Variants in CLDN14 observed in about 807,000 individuals in gnomAD.
CLDN14 encodes the protein claudin 14.
A neutral mutation model predicts 2.1 loss-of-function variants in CLDN14; 2 were observed. That is an observed-to-expected ratio of 0.96 (90% CI 0.39 to 3.01). The LOEUF is 3.01. Among genes scored for constraint, CLDN14 ranks in the 30% most tolerant of loss-of-function variants. The pLI, the probability that CLDN14 is intolerant of heterozygous loss-of-function variation, is 0.09. For missense variants in CLDN14, 298 were observed against 328.0 expected, an observed-to-expected ratio of 0.91 and a Z score of 0.71; for synonymous variants, 136 against 154.4, an observed-to-expected ratio of 0.88 and a Z score of 0.88.
chr21:36,486,269 T>G (rs761680195), intron 2 of CLDN14: 7 of 767,606 alleles, frequency 9.1e-6, no homozygotes, highest in African/African-American at 5.9e-5. Flanking sequence ...CCCTCTTCCT[T>G]AGGTCAGGAA....
chr21:36,475,398 C>T (rs1229143712), intron 1 of CLDN14, among the ~76,000 whole-genome samples: 4 of 152,162 alleles, frequency 2.6e-5, no homozygotes, highest in Admixed American at 6.5e-5. Context: ...CTGCTGTAGC[C>T]GCAGCCCTTG....
chr21:36,520,176 C>T (rs895702443), intron 1 of CLDN14, among the ~76,000 whole-genome samples: 2 of 71,932 alleles, frequency 2.8e-5, no homozygotes, highest in African/African-American at 5.4e-5. Flanking sequence ...CCTCTGCCTT[C>T]ACATGGCCGT....
intron 1 of CLDN14, among the ~76,000 whole-genome samples, chr21:36,557,241 G>A (rs1601636084): frequency 6.6e-6 from 1 of 152,172 alleles, no homozygotes. Flanking sequence ...GAATAATGCT[G>A]TAATGAACAT....
upstream of CLDN14, among the ~76,000 whole-genome samples, chr21:36,481,315 T>TC (rs138188005): frequency 6.8e-4 from 103 of 152,306 alleles, no homozygotes; most frequent in East Asian, 0.018. Context: ...GGAGATAGAA[T>TC]CATCGCCTTT....
At chr21:36,474,911 G>A (rs1160241230) in intron 1 of CLDN14, among the ~76,000 whole-genome samples, 2 of 152,150 alleles carry the variant, frequency 1.3e-5, no homozygotes, top group East Asian at 1.9e-4. Flanking sequence ...GGGCAATAAC[G>A]CATGTTCTGA....
chr21:36,571,756 C>T (rs1399141062), intron 1 of CLDN14, among the ~76,000 whole-genome samples: 1 of 152,136 alleles, frequency 6.6e-6, no homozygotes, highest in Non-Finnish European at 1.5e-5. Flanking sequence ...CTGCCAAATT[C>T]CATTCTCTCG....
At position 36,544,945 on chromosome 21, in the gene CLDN14, A is replaced by AG. The variant is rs1460589003; in HGVS notation, c.-220+31465dup. ...GTGCCAATTGAAGTTTGCTTGCAGG[A>AG]GGGATTGTAAGTATCAGGCCAGTGC... On this transcript the variant is annotated intron_variant, in intron 1 of 2. Transcript: ENST00000342108. The surrounding 1 kb of genome is among the most constrained non-coding windows in gnomAD (Gnocchi z 4.1). Among the ~76,000 whole-genome samples the AG allele has an allele frequency of 6.6e-6, 1 of 152,206 alleles. No homozygotes were observed.
intron 1 of CLDN14, among the ~76,000 whole-genome samples, chr21:36,552,124 T>G (rs1002045812): frequency 6.6e-6 from 1 of 152,206 alleles, no homozygotes; most frequent in Non-Finnish European, 1.5e-5. Flanking sequence ...TTGTAAGCAG[T>G]TTGCTGGCAT....
intron 1 of CLDN14, among the ~76,000 whole-genome samples, chr21:36,462,791 T>C (rs1342223350): frequency 6.6e-6 from 1 of 151,658 alleles, no homozygotes; most frequent in Non-Finnish European, 1.5e-5. Context: ...TAGCCAGGCA[T>C]CCCGTAATCC....
intron 2 of CLDN14, among the ~76,000 whole-genome samples, chr21:36,488,268 T>TCCTTCCTTCCTTCCTC: frequency 6.7e-6 from 1 of 150,238 alleles, no homozygotes; most frequent in Non-Finnish European, 1.5e-5. Flanking sequence ...CTTCCTTCCT[T>TCCTTCCTTCCTTCCTC]CCTTCCCTCT....
chr21:36,513,000 G>A (rs1442677416), intron 1 of CLDN14, among the ~76,000 whole-genome samples: 1 of 152,218 alleles, frequency 6.6e-6, no homozygotes, highest in Non-Finnish European at 1.5e-5. Context: ...TGGTGGCGTA[G>A]TCTGCCCATC....
At chr21:36,492,006 G>T (rs1474260836) in intron 2 of CLDN14, among the ~76,000 whole-genome samples, 1 of 152,154 alleles carries the variant, frequency 6.6e-6, no homozygotes, top group Non-Finnish European at 1.5e-5. Flanking sequence ...TTATGGGTGT[G>T]ATTAAGTTAG....
intron 1 of CLDN14, among the ~76,000 whole-genome samples, chr21:36,514,380 C>A (rs1171215116): frequency 6.6e-6 from 1 of 152,094 alleles, no homozygotes; most frequent in African/African-American, 2.4e-5. Context: ...CAAGCAGAGC[C>A]CCATGGCCGT....
chr21:36,560,552 G>C (rs2087627321), intron 1 of CLDN14, among the ~76,000 whole-genome samples: 1 of 152,164 alleles, frequency 6.6e-6, no homozygotes, highest in Non-Finnish European at 1.5e-5. Context: ...TACATGAATA[G>C]ATTTTTGCAT....
At chr21:36,489,131 A>AAAAAAAAAATATATATAT in intron 2 of CLDN14, among the ~76,000 whole-genome samples, 107 of 62,690 alleles carry the variant, frequency 1.7e-3, no homozygotes, top group Non-Finnish European at 2.4e-3. Context: ...AAAAAAAAAA[A>AAAAAAAAAATATATATAT]ATATATATAT....
At chr21:36,503,865 T>C (rs2087109119) in intron 2 of CLDN14, among the ~76,000 whole-genome samples, 1 of 151,952 alleles carries the variant, frequency 6.6e-6, no homozygotes, top group African/African-American at 2.4e-5. Context: ...CAGGTATAAG[T>C]AGATGCTCAA....
intron 1 of CLDN14, among the ~76,000 whole-genome samples, chr21:36,573,710 T>G (rs994163779): frequency 2.6e-5 from 4 of 152,194 alleles, no homozygotes; most frequent in African/African-American, 9.6e-5. Context: ...TTATGTGGAT[T>G]TAACAAGGCT....
At chr21:36,527,594 G>C (rs1477519360) in intron 1 of CLDN14, among the ~76,000 whole-genome samples, 1 of 152,182 alleles carries the variant, frequency 6.6e-6, no homozygotes, top group African/African-American at 2.4e-5. Context: ...GGAAAATAAT[G>C]TGATACGAAT....
At chr21:36,548,751 G>A (rs1279282865) in intron 1 of CLDN14, among the ~76,000 whole-genome samples, 3 of 152,126 alleles carry the variant, frequency 2.0e-5, no homozygotes, top group South Asian at 2.1e-4. Context: ...CAGTTGATGT[G>A]GGGAGGCCAA....
Sources: gnomAD v4.1 joint callset for allele counts (sites outside exome capture counted in the v4.1 genomes callset) on GRCh38, gnomAD v4.1.1 for gene constraint, Gnocchi (gnomAD v3.1) non-coding constraint, MANE v1.5 for transcripts, NCBI Gene and HGNC (gene_info 2026-07-23, HGNC 2026-07-21) for gene names.